The following PLA2G4A variants were observed in gnomAD, a reference collection of about 807,000 sequenced individuals.
PLA2G4A encodes cytosolic phospholipase A2.
In PLA2G4A, 40 loss-of-function variants were observed where a neutral mutation model predicts 81.9. The observed-to-expected ratio is 0.49, with a 90% CI of 0.38 to 0.64. PLA2G4A has a LOEUF of 0.64. PLA2G4A is among the 30% of genes least tolerant of loss of function. The pLI is 0.00. For missense variants in PLA2G4A, 715 were observed against 905.1 expected (o/e 0.79, Z 2.69); for synonymous variants, 302 against 296.9 (o/e 1.02, Z -0.18).
intron 5 of PLA2G4A, among the ~76,000 whole-genome samples, chr1:186,902,405 C>A (rs992019637): frequency 2.0e-5 from 3 of 152,070 alleles, no homozygotes; most frequent in African/African-American, 7.2e-5. Context: ...ATCACAAAAT[C>A]TTTCTTCAGT....
chr1:186,900,319 A>G (rs1179780960), intron 5 of PLA2G4A, among the ~76,000 whole-genome samples: 1 of 152,238 alleles, frequency 6.6e-6, no homozygotes, highest in Non-Finnish European at 1.5e-5. Context: ...ATAATTAAAT[A>G]GGTTAATGCG....
chr1:186,880,047 A>G (rs1571360398), intron 3 of PLA2G4A, among the ~76,000 whole-genome samples: 1 of 152,062 alleles, frequency 6.6e-6, no homozygotes, highest in East Asian at 1.9e-4. Context: ...TAGTTAACAT[A>G]GTCCAGAATC....
At chr1:186,867,587 G>T (rs578130449) in intron 2 of PLA2G4A, among the ~76,000 whole-genome samples, 20 of 151,764 alleles carry the variant, frequency 1.3e-4, no homozygotes, top group Non-Finnish European at 2.5e-4. Context: ...TTAGTTCCAG[G>T]AGTTTTTTTT....
intron 3 of PLA2G4A, among the ~76,000 whole-genome samples, chr1:186,883,527 T>G (rs2102086699): frequency 6.6e-6 from 1 of 152,210 alleles, no homozygotes; most frequent in East Asian, 1.9e-4. Context: ...CTTTGCAACT[T>G]GGTTTTGACT....
At chr1:186,878,667 G>A (rs971243298) in intron 3 of PLA2G4A, among the ~76,000 whole-genome samples, 3 of 151,762 alleles carry the variant, frequency 2.0e-5, no homozygotes, top group African/African-American at 7.2e-5. Flanking sequence ...GGTAGTTTAC[G>A]AAGTTGTTAA....
intron 2 of PLA2G4A, among the ~76,000 whole-genome samples, chr1:186,867,712 A>G (rs183366909): frequency 4.7e-4 from 72 of 152,270 alleles, no homozygotes; most frequent in African/African-American, 1.6e-3. Context: ...TTATTGCATC[A>G]AATAGGACTT....
chr1:186,966,518 G>A (rs1000286411), intron 15 of PLA2G4A, among the ~76,000 whole-genome samples: 1 of 152,122 alleles, frequency 6.6e-6, no homozygotes, highest in Non-Finnish European at 1.5e-5. Context: ...ATAGGAATTA[G>A]GAGTCAAGGT....
intron 2 of PLA2G4A, among the ~76,000 whole-genome samples, chr1:186,863,720 G>T (rs1473914867): frequency 1.3e-5 from 2 of 151,596 alleles, no homozygotes; most frequent in Non-Finnish European, 2.9e-5. Flanking sequence ...TTCCACATAT[G>T]GGTAGATGTT....
At chr1:186,918,823 C>G (rs1308117373) in intron 7 of PLA2G4A, among the ~76,000 whole-genome samples, 4 of 152,338 alleles carry the variant, frequency 2.6e-5, no homozygotes, top group Non-Finnish European at 5.9e-5. Flanking sequence ...ATTTGTTAGC[C>G]AATGATGTCC....
intron 15 of PLA2G4A, among the ~76,000 whole-genome samples, chr1:186,973,195 A>G (rs1657416212): frequency 1.3e-5 from 2 of 152,226 alleles, no homozygotes; most frequent in South Asian, 4.1e-4. Flanking sequence ...GTTGAAATTA[A>G]GGCATCAACA....
intron 2 of PLA2G4A, among the ~76,000 whole-genome samples, chr1:186,866,493 G>C (rs575140411): frequency 6.6e-6 from 1 of 152,186 alleles, no homozygotes; most frequent in African/African-American, 2.4e-5. Flanking sequence ...CTTTAGGGTT[G>C]TTTGGAATAT....
At chr1:186,948,046 A>G (rs1656404518) in intron 12 of PLA2G4A, among the ~76,000 whole-genome samples, 1 of 152,188 alleles carries the variant, frequency 6.6e-6, no homozygotes, top group Admixed American at 6.6e-5. Flanking sequence ...TTGGCTTATA[A>G]GCAGTATTTC....
At chr1:186,904,246 G>A (rs1654653256) in intron 5 of PLA2G4A, among the ~76,000 whole-genome samples, 1 of 152,308 alleles carries the variant, frequency 6.6e-6, no homozygotes, top group Non-Finnish European at 1.5e-5. Flanking sequence ...AAAAAAGGTG[G>A]AGTTCTAATT....
chr1:186,926,032 G>A (rs1031519805), intron 7 of PLA2G4A, among the ~76,000 whole-genome samples: 2 of 152,204 alleles, frequency 1.3e-5, no homozygotes, highest in African/African-American at 2.4e-5. Context: ...ACAGGAACAC[G>A]AGTATCAGGT....
chr1:186,975,790 A>C (rs558133054), intron 15 of PLA2G4A, among the ~76,000 whole-genome samples: 7 of 152,154 alleles, frequency 4.6e-5, no homozygotes, highest in Non-Finnish European at 1.0e-4. Flanking sequence ...TGTGGTGTCT[A>C]ATTAGTTTGT....
Position 186,956,302 on chromosome 1 carries a change from C to A in PLA2G4A, c.1537C>A (p.Gln513Lys), listed in dbSNP as rs150610130. 536 of 1,613,690 alleles carry A rather than the reference C, an allele frequency of 3.3e-4. 9 individuals are homozygous for A. The East Asian group carries it at 0.012, about 36-fold the overall frequency. The change falls in exon 14 of 18, where the codon CAG (glutamine) becomes AAG (lysine). Residue 513 changes from glutamine to lysine, a missense_variant. Transcript: ENST00000367466. Reference sequence around the variant, plus strand: ...GTCTCCTTTGAGTGACTTTGCCACACAGGACTCCTTTGATGATGATGAACT... The same window carrying A: ...GTCTCCTTTGAGTGACTTTGCCACAAAGGACTCCTTTGATGATGATGAACT... Reference protein sequence around the residue: ...PLSPLSDFATQDSFDDDELDA... With the variant: ...PLSPLSDFATKDSFDDDELDA...
intron 1 of PLA2G4A, among the ~76,000 whole-genome samples, chr1:186,831,778 A>C (rs1011359203): frequency 3.9e-5 from 6 of 152,080 alleles, no homozygotes; most frequent in African/African-American, 1.4e-4. Context: ...ACAAATATCT[A>C]TTGAGTACCC....
intron 1 of PLA2G4A, among the ~76,000 whole-genome samples, chr1:186,847,556 C>A (rs1652224526): frequency 6.6e-6 from 1 of 151,994 alleles, no homozygotes; most frequent in Non-Finnish European, 1.5e-5. Flanking sequence ...TTAAGACATG[C>A]ACTACTAAAA....
intron 2 of PLA2G4A, among the ~76,000 whole-genome samples, chr1:186,858,845 A>G (rs1652689693): frequency 6.6e-6 from 1 of 151,914 alleles, no homozygotes; most frequent in South Asian, 2.1e-4. Flanking sequence ...GAGATCTGTG[A>G]GCTTTACAGT....
Sources: allele counts gnomAD v4.1 joint callset (sites outside exome capture counted in the v4.1 genomes callset), GRCh38; gene constraint gnomAD v4.1.1; transcripts MANE v1.5; gene names NCBI Gene and HGNC (gene_info 2026-07-23, HGNC 2026-07-21).